The following LRPAP1 variants were observed in gnomAD, a reference collection of about 807,000 sequenced individuals.
LRPAP1 encodes the protein LDL receptor related protein associated protein 1, also known as alpha-2-macroglobulin receptor-associated protein.
In LRPAP1, 41 loss-of-function variants were observed where a neutral mutation model predicts 39.9. That is an observed-to-expected ratio of 1.03 (90% CI 0.80 to 1.33). The LOEUF (loss-of-function observed/expected upper bound fraction) is 1.33. Among genes scored for constraint, LRPAP1 ranks in the 40% most tolerant of loss-of-function variants. LRPAP1 has a pLI of 0.00. For synonymous variants in LRPAP1, 263 were observed against 212.7 expected (o/e 1.24, Z -2.06); for missense variants, 565 against 482.3 (o/e 1.17, Z -1.61).
At position 3,507,792 on chromosome 4, in the gene LRPAP1, T is replaced by G. The variant is rs1729396850; in HGVS notation, c.*5182A>C. 6.6e-6 allele frequency: 1 copy of G among 152,028 alleles called. No homozygotes were observed. The highest frequency in any genetic ancestry group is 1.5e-5 in the Non-Finnish European group (1 of 68,014). The allele number at this position is 152,028 out of a possible 1,614,324, so 9.4% of individuals were successfully genotyped here. A position where few individuals can be genotyped will look rare whatever the true frequency, so the allele number is the denominator to read the frequency against. On this transcript the variant is annotated 3_prime_UTR_variant, in exon 8 of 8. Transcript: ENST00000650182. ...TCAATGGACCCAAAAGTAGGTTTCT[T>G]TGGGGAAAATATCTGTAAAAATGAT...
In LRPAP1 at chr4:3,525,067, A is replaced by C. The variant is rs199843809; in HGVS notation, c.205-16T>G. On this transcript the variant is annotated splice_polypyrimidine_tract_variant and intron_variant, in intron 1 of 7. Coordinates refer to ENST00000650182, the MANE Select transcript of LRPAP1 (RefSeq NM_002337.4). ...GAAGATGCAGCTGCGAACGAAGGGG[A>C]GGAGCCTGTGAGCCACGAGCAGGAC... 6.2e-7 allele frequency: 1 copy of C among 1,613,500 alleles called. No individual in the cohort carries two copies. Among genetic ancestry groups the C allele is most frequent in the Non-Finnish European group, 8.5e-7 (1 of 1,180,008 alleles).
rs930401725 is a variant in LRPAP1, at chr4:3,509,216, C to T, written c.*3758G>A. 5 of 152,142 alleles carry T rather than the reference C, an allele frequency of 3.3e-5. No homozygotes were observed. The highest frequency in any genetic ancestry group is 2.0e-4 in the Admixed American group (3 of 15,272). The allele number at this position is 152,142 out of a possible 1,614,324, so 9.4% of individuals were successfully genotyped here. A position where few individuals can be genotyped will look rare whatever the true frequency, so the allele number is the denominator to read the frequency against. Reference sequence around the variant, plus strand: ...TCATACATGGCAGTCAACGCATGGACACCGGAGACTGTTGAGACGCCGACT... The same window carrying T: ...TCATACATGGCAGTCAACGCATGGATACCGGAGACTGTTGAGACGCCGACT... On this transcript the variant is annotated 3_prime_UTR_variant, in exon 8 of 8. Transcript: ENST00000650182.
At position 3,518,968 on chromosome 4, in the gene LRPAP1, G is replaced by A. The variant is rs373275995; in HGVS notation, c.495C>T (p.Ser165=). The change falls in exon 4 of 8, where the codon TCC becomes TCT. Residue 165 remains serine, a synonymous_variant. Transcript: ENST00000650182. ...GCCAGAGCTTGTCCAGTTCTTCGCC[G>A]GAGAATTTCCCAGAGGTCTTCGCCT... The part of the protein sequence containing the change: ...WHKAKTSGKF[S]GEELDKLWRE... 110 of 1,613,884 alleles carry A rather than the reference G, an allele frequency of 6.8e-5. No homozygotes were observed. Among genetic ancestry groups the A allele is most frequent in the Middle Eastern group, 3.3e-4 (2 of 6,074 alleles).
rs397797132 is a variant in LRPAP1, at chr4:3,504,735, G to GTGAC, written c.*8238_*8239insGTCA. On this transcript the variant is annotated 3_prime_UTR_variant, in exon 8 of 8. Coordinates refer to ENST00000650182, the MANE Select transcript of LRPAP1 (RefSeq NM_002337.4). ...ATTGCACTGCAGCCTGAGCAATTGA[G>GTGAC]ATTCCATCTCAAAAAAAAAAAAAAA... is the stretch of plus-strand genomic sequence containing the variant. Among the ~76,000 whole-genome samples the GTGAC allele has an allele frequency of 9.4e-6, 1 of 106,672 alleles. No homozygotes were observed. Among genetic ancestry groups the GTGAC allele is most frequent in the African/African-American group, 3.5e-5 (1 of 28,730 alleles). 70.0% of individuals were successfully genotyped at this position (106,672 alleles called of 152,430 possible). A position where few individuals can be genotyped will look rare whatever the true frequency, so the allele number is the denominator to read the frequency against.
At chr4:3,532,141 C>A in intron 1 of LRPAP1, 68 bp downstream of exon 1, 1 of 1,518,284 alleles carries the variant, frequency 6.6e-7, no homozygotes, top group South Asian at 1.2e-5. Context: ...CCCTGGGCCC[C>A]GCTCCAACGA....
rs1729408352 is a variant in LRPAP1 at position 3,508,260 on chromosome 4, C to G, written c.*4714G>C. On this transcript the variant is annotated 3_prime_UTR_variant, in exon 8 of 8. Coordinates refer to ENST00000650182, the MANE Select transcript of LRPAP1 (RefSeq NM_002337.4). ...ACCTCAGGTGATCCATCCACGTTGG[C>G]CTCCCAAAGTGCTGGGATTACAAGC... 1 of 152,182 alleles carries G rather than the reference C, an allele frequency of 6.6e-6. No homozygotes were observed. The highest frequency in any genetic ancestry group is 2.1e-4 in the South Asian group (1 of 4,828). The allele number at this position is 152,182 out of a possible 1,614,324, so 9.4% of individuals were successfully genotyped here.
Position 3,516,208 on chromosome 4 carries a change from A to G in LRPAP1, c.752-10T>C. On this transcript the variant is annotated splice_polypyrimidine_tract_variant and intron_variant, in intron 5 of 7. Transcript: ENST00000650182. ...CTGGGCTCCTCGAACTCTGCAGGGG[A>G]GGAGCAAGAGTGGCCTCAGCAGCAC... The G allele has an allele frequency of 6.4e-7, 1 of 1,560,974 alleles. No homozygotes were observed. The highest frequency in any genetic ancestry group is 8.7e-7 in the Non-Finnish European group (1 of 1,152,358).
At chr4:3,518,264 C>A (rs1168619467) in intron 4 of LRPAP1, 72 bp from the exon 5 acceptor site, 2 of 1,495,970 alleles carry the variant, frequency 1.3e-6, no homozygotes, top group African/African-American at 1.4e-5. Flanking sequence ...CTGTCTAGAA[C>A]GCCCACTGCT....
chr4:3,520,020 A>C (rs1729856449), intron 3 of LRPAP1, 52 bp downstream of exon 3: 1 of 1,593,754 alleles, frequency 6.3e-7, no homozygotes. Flanking sequence ...CCGCCTTAAC[A>C]CTCAACGTAA....
intron 3 of LRPAP1, 139 bp from the exon 4 acceptor site, chr4:3,519,130 C>T: frequency 7.1e-7 from 1 of 1,414,206 alleles, no homozygotes; most frequent in Non-Finnish European, 9.4e-7. Context: ...TCACGAAGGG[C>T]AGGAAAACAA....
intron 6 of LRPAP1, chr4:3,515,914 A>G: frequency 3.3e-6 from 2 of 606,624 alleles, no homozygotes; most frequent in Admixed American, 5.8e-5. Flanking sequence ...CTCCCTCCAG[A>G]GCCTGGCCCC....
chr4:3,529,464 C>T (rs1730181726), intron 1 of LRPAP1, among the ~76,000 whole-genome samples: 1 of 152,214 alleles, frequency 6.6e-6, no homozygotes, highest in South Asian at 2.1e-4. Flanking sequence ...GACCCTGGAG[C>T]TTACTCCTCA....
At chr4:3,530,240 G>A (rs1225045485) in intron 1 of LRPAP1, among the ~76,000 whole-genome samples, 1 of 152,154 alleles carries the variant, frequency 6.6e-6, no homozygotes, top group African/African-American at 2.4e-5. Flanking sequence ...CCGCCACTGA[G>A]AACCTCAAAA....
chr4:3,518,092 G>A lies in LRPAP1; in HGVS notation c.693C>T (p.Ile231=). 6.2e-7 allele frequency: 1 copy of A among 1,613,362 alleles called. No individual in the cohort carries two copies. Among genetic ancestry groups the A allele is most frequent in the African/African-American group, 1.3e-5 (1 of 75,078 alleles). Reference sequence around the variant, plus strand: ...TGCGCAGGCGGTCCAGGCCCTGGTTGATGCTGCGCAGCTTCTCCTTCAGCT... The same window carrying A: ...TGCGCAGGCGGTCCAGGCCCTGGTTAATGCTGCGCAGCTTCTCCTTCAGCT... ...HTELKEKLRS[I]NQGLDRLRRV... is the part of the protein sequence containing the mutation. Residue 231 remains isoleucine (I), a synonymous_variant, in exon 5 of 8, where the codon ATC becomes ATT. Coordinates refer to ENST00000650182, the MANE Select transcript of LRPAP1 (RefSeq NM_002337.4).
intron 2 of LRPAP1, among the ~76,000 whole-genome samples, chr4:3,521,943 C>G (rs1729922064): frequency 6.6e-6 from 1 of 152,188 alleles, no homozygotes; most frequent in South Asian, 2.1e-4. Flanking sequence ...CAAGACCAGC[C>G]AGGGCAGCAA....
Position 3,516,133 on chromosome 4 carries a change from C to A in LRPAP1, c.817G>T (p.Glu273Ter), listed in dbSNP as rs1468703329. Residue 273 changes from glutamate to a stop codon, truncating the protein, a stop_gained, in exon 6 of 8, where the codon GAG becomes TAG. Transcript: ENST00000650182. LOFTEE classifies it high-confidence loss of function. The stretch of plus-strand genomic sequence containing the variant: ...TTCCTTACCCGGAACGCCTCCAGCT[C>A]CTTGTCCGTGAGGTTGGCGGACTGC... Reference protein sequence around the residue: ...LAQSANLTDKELEAFREELKH... With the variant: ...LAQSANLTDK 1 of 1,579,622 alleles carries A rather than the reference C, an allele frequency of 6.3e-7. No homozygotes were observed. The highest frequency in any genetic ancestry group is 1.8e-5 in the Admixed American group (1 of 54,180).
At chr4:3,531,364 G>C (rs1730246441) in intron 1 of LRPAP1, among the ~76,000 whole-genome samples, 2 of 151,790 alleles carry the variant, frequency 1.3e-5, no homozygotes, top group African/African-American at 4.8e-5. Flanking sequence ...AAAGACTCAG[G>C]AATGCTTAAA....
chr4:3,518,202 C>T lies in LRPAP1; in HGVS notation c.593-10G>A, dbSNP rs763839762. The T allele has an allele frequency of 9.3e-6, 15 of 1,605,536 alleles. No homozygotes were observed. Among genetic ancestry groups the T allele is most frequent in the Admixed American group, 3.4e-5 (2 of 59,624 alleles). ...ACGTTCTCGTGGATTTCTGTAAAAC[C>T]GAAGGCAGGACGCCATGAGGCTGGG... On this transcript the variant is annotated splice_polypyrimidine_tract_variant and intron_variant, in intron 4 of 7. Coordinates refer to ENST00000650182, the MANE Select transcript of LRPAP1 (RefSeq NM_002337.4).
Position 3,507,548 on chromosome 4 carries a change from A to G in LRPAP1, c.*5426T>C, listed in dbSNP as rs1324855228. 1 of 152,248 alleles carries G rather than the reference A, an allele frequency of 6.6e-6. No homozygotes were observed. Among genetic ancestry groups the G allele is most frequent in the Non-Finnish European group, 1.5e-5 (1 of 68,054 alleles). The allele number at this position is 152,248 out of a possible 1,614,324, so 9.4% of individuals were successfully genotyped here. A position where few individuals can be genotyped will look rare whatever the true frequency, so the allele number is the denominator to read the frequency against. ...CTAGTACCTCGTCCATTTTTAAAAG[A>G]TTCCATGCGTGCTTAAGAATGTTTT... On this transcript the variant is annotated 3_prime_UTR_variant, in exon 8 of 8. Transcript: ENST00000650182.
Sources: allele counts gnomAD v4.1 joint callset (sites outside exome capture counted in the v4.1 genomes callset), GRCh38; gene constraint gnomAD v4.1.1; transcripts MANE v1.5; gene names NCBI Gene and HGNC (gene_info 2026-07-23, HGNC 2026-07-21).